PCED1B: variants seen among roughly 807,000 people sequenced by gnomAD.
PCED1B encodes the protein PC-esterase domain containing 1B.
For synonymous variants in PCED1B, 251 were observed against 246.1 expected, an observed-to-expected ratio of 1.02 and a Z score of -0.19; for missense variants, 573 against 573.9, an observed-to-expected ratio of 1.00 and a Z score of 0.02.
At chr12:47,179,778 A>T (rs1942037410) in intron 2 of PCED1B, among the ~76,000 whole-genome samples, 1 of 152,166 alleles carries the variant, frequency 6.6e-6, no homozygotes, top group Non-Finnish European at 1.5e-5. Context: ...CTAGAGACTG[A>T]GGGTACAGCA....
intron 2 of PCED1B, among the ~76,000 whole-genome samples, chr12:47,163,372 T>C (rs1941449322): frequency 6.6e-6 from 1 of 152,220 alleles, no homozygotes; most frequent in African/African-American, 2.4e-5. Flanking sequence ...ACAATTCTAC[T>C]TTTTTCTTTC....
intron 1 of PCED1B, among the ~76,000 whole-genome samples, chr12:47,095,362 T>C (rs1187629835): frequency 6.6e-6 from 1 of 152,134 alleles, no homozygotes; most frequent in Non-Finnish European, 1.5e-5. Flanking sequence ...TTCTGGCTGC[T>C]TTTATGATTT....
chr12:47,095,069 CA>C (rs1211028863), intron 1 of PCED1B, among the ~76,000 whole-genome samples: 93 of 121,312 alleles, frequency 7.7e-4, no homozygotes, highest in African/African-American at 2.9e-3. Context: ...ACTGTGCCCA[CA>C]ATTTTTTTTT....
chr12:47,226,412 C>T (rs535875174), intron 3 of PCED1B, among the ~76,000 whole-genome samples: 2 of 152,312 alleles, frequency 1.3e-5, no homozygotes, highest in South Asian at 2.1e-4. Context: ...CTCGCTCTGT[C>T]GCCCAGCCTG....
intron 2 of PCED1B, among the ~76,000 whole-genome samples, chr12:47,214,775 C>A (rs959378177): frequency 5.3e-5 from 8 of 152,112 alleles, no homozygotes; most frequent in Non-Finnish European, 1.0e-4. Context: ...ATGTAGATTT[C>A]TTTTATAAAT....
Position 47,235,422 on chromosome 12 carries a change from T to C in PCED1B, c.359T>C (p.Ile120Thr), listed in dbSNP as rs201274870. The C allele has an allele frequency of 4.0e-5, 65 of 1,614,062 alleles. No individual in the cohort carries two copies. Among genetic ancestry groups the C allele is most frequent in the Non-Finnish European group, 6.8e-6 (8 of 1,180,036 alleles). Residue 120 changes from isoleucine (I) to threonine (T), a missense_variant, in exon 4 of 4, where the codon ATC (isoleucine) becomes ACC (threonine). Ile to Thr is a moderately conservative substitution (Grantham distance 89). Coordinates refer to ENST00000546455, the MANE Select transcript of PCED1B (RefSeq NM_138371.3). ...GGCGAGCACGCCCCCGACCTGGTCA[T>C]CATGAATTCCTGCCTCTGGGACATC... ...QSGEHAPDLV[I>T]MNSCLWDISR...
At chr12:47,202,255 T>C (rs1489995191) in intron 2 of PCED1B, among the ~76,000 whole-genome samples, 2 of 152,198 alleles carry the variant, frequency 1.3e-5, no homozygotes, top group East Asian at 3.9e-4. Flanking sequence ...TAGAACATTC[T>C]AAGCTTCCAT....
chr12:47,149,059 T>A (rs1188376758), intron 2 of PCED1B, among the ~76,000 whole-genome samples: 3 of 152,240 alleles, frequency 2.0e-5, no homozygotes, highest in Non-Finnish European at 4.4e-5. Context: ...CAGTGGAGGA[T>A]ACCATTAGCC....
rs766300563 is a variant in PCED1B, at chr12:47,135,727, C to T, written c.-526+31532C>T. On this transcript the variant is annotated intron_variant, in intron 2 of 3. Coordinates refer to ENST00000546455, the MANE Select transcript of PCED1B (RefSeq NM_138371.3). ...AAGAGGGTGTTGAATAGGGACCAGA[C>T]GACATGGTCGGGCACGGAGGTCTCA... 4.5e-5 allele frequency: 24 copies of T among 531,322 alleles called. 1 individual carries two copies. In the East Asian group the frequency reaches 5.9e-4, roughly 13 times the overall value. The allele number at this position is 531,322 out of a possible 1,614,324, so 32.9% of individuals were successfully genotyped here. A position where few individuals can be genotyped will look rare whatever the true frequency, so the allele number is the denominator to read the frequency against.
At chr12:47,090,028 T>C (rs543244682) in intron 1 of PCED1B, among the ~76,000 whole-genome samples, 3 of 152,088 alleles carry the variant, frequency 2.0e-5, no homozygotes, top group Non-Finnish European at 4.4e-5. Flanking sequence ...CCACCTCGGC[T>C]TCCCAAAGTG....
At chr12:47,185,576 GCCAGCAGTTCGAGA>G (rs1355308571) in intron 2 of PCED1B, among the ~76,000 whole-genome samples, 2 of 151,732 alleles carry the variant, frequency 1.3e-5, no homozygotes, top group Admixed American at 6.6e-5. Context: ...ATCACTTAAG[GCCAGCAGTTCGAGA>G]CCAGCCTGGC....
intron 2 of PCED1B, among the ~76,000 whole-genome samples, chr12:47,150,361 G>T (rs1413783157): frequency 6.6e-6 from 1 of 151,958 alleles, no homozygotes; most frequent in African/African-American, 2.4e-5. Flanking sequence ...GGATCATGAG[G>T]TCAGGAGTTC....
chr12:47,088,972 A>C (rs1279119755), intron 1 of PCED1B, among the ~76,000 whole-genome samples: 1 of 152,206 alleles, frequency 6.6e-6, no homozygotes, highest in Non-Finnish European at 1.5e-5. Flanking sequence ...CAGAATATGC[A>C]TTGCCACAGT....
chr12:47,193,589 A>C (rs1942513092), intron 2 of PCED1B, among the ~76,000 whole-genome samples: 1 of 152,162 alleles, frequency 6.6e-6, no homozygotes, highest in Non-Finnish European at 1.5e-5. Flanking sequence ...TATAAACTAC[A>C]AGCAAGTCTT....
chr12:47,111,420 G>A (rs1939188176), intron 2 of PCED1B, among the ~76,000 whole-genome samples: 1 of 151,932 alleles, frequency 6.6e-6, no homozygotes, highest in African/African-American at 2.4e-5. Flanking sequence ...TTGAAATTGT[G>A]GTAGAATACA....
intron 2 of PCED1B, among the ~76,000 whole-genome samples, chr12:47,133,398 G>A (rs958235614): frequency 1.3e-5 from 2 of 152,110 alleles, no homozygotes; most frequent in African/African-American, 4.8e-5. Flanking sequence ...AAATAAAATC[G>A]ATACATGTTT....
At chr12:47,186,198 A>G (rs1942258694) in intron 2 of PCED1B, among the ~76,000 whole-genome samples, 1 of 147,442 alleles carries the variant, frequency 6.8e-6, no homozygotes, top group Non-Finnish European at 1.5e-5. Flanking sequence ...AGCCTGGGTG[A>G]CAGAGTGAGA....
intron 2 of PCED1B, among the ~76,000 whole-genome samples, chr12:47,160,798 G>C (rs1592219729): frequency 6.6e-6 from 1 of 152,132 alleles, no homozygotes; most frequent in Non-Finnish European, 1.5e-5. Context: ...GCAATGTTGG[G>C]AAGTGAAACC....
intron 1 of PCED1B, among the ~76,000 whole-genome samples, chr12:47,086,606 A>T (rs1296239974): frequency 6.6e-6 from 1 of 152,208 alleles, no homozygotes; most frequent in African/African-American, 2.4e-5. Flanking sequence ...AGCAGATGAA[A>T]ATTAGCTTTA....
Sources: allele counts gnomAD v4.1 joint callset (sites outside exome capture counted in the v4.1 genomes callset), GRCh38; gene constraint gnomAD v4.1.1; transcripts MANE v1.5; gene names NCBI Gene and HGNC (gene_info 2026-07-23, HGNC 2026-07-21).